Variants in NEGR1 observed in about 807,000 individuals in gnomAD.
NEGR1 encodes neuronal growth regulator 1.
NEGR1 carries 10 observed loss-of-function variants against 40.9 expected under a neutral mutation model. That is an observed-to-expected ratio of 0.24 (90% CI 0.15 to 0.42). NEGR1 has a LOEUF of 0.42. NEGR1 is among the 10% of genes least tolerant of loss of function. The pLI, the probability that NEGR1 is intolerant of heterozygous loss-of-function variation, is 1.00. For missense variants in NEGR1, 352 were observed against 438.9 expected (o/e 0.80, Z 1.77); for synonymous variants, 185 against 166.8 (o/e 1.11, Z -0.84).
intron 2 of NEGR1, among the ~76,000 whole-genome samples, chr1:71,896,893 A>G (rs548263305): frequency 6.6e-6 from 1 of 152,144 alleles, no homozygotes; most frequent in East Asian, 1.9e-4. Flanking sequence ...TTCCATTTAA[A>G]TTATTATGTC....
intron 4 of NEGR1, among the ~76,000 whole-genome samples, chr1:71,621,381 A>AAT (rs1210646467): frequency 6.6e-6 from 1 of 151,922 alleles, no homozygotes. Flanking sequence ...TTTCCAGGAA[A>AAT]ATATGCAACT....
At chr1:71,631,184 T>C (rs1650958125) in intron 4 of NEGR1, among the ~76,000 whole-genome samples, 1 of 151,878 alleles carries the variant, frequency 6.6e-6, no homozygotes, top group African/African-American at 2.4e-5. Flanking sequence ...CAAATTTATT[T>C]TGTTTCCACA....
chr1:72,022,059 C>T (rs530421597), intron 1 of NEGR1, among the ~76,000 whole-genome samples: 343 of 151,798 alleles, frequency 2.3e-3, no homozygotes, highest in Non-Finnish European at 2.9e-3. Context: ...GGCGTGAACC[C>T]GGGAGGCGGA....
chr1:71,941,613 C>T (rs1570533725), intron 1 of NEGR1, among the ~76,000 whole-genome samples: 3 of 151,970 alleles, frequency 2.0e-5, no homozygotes, highest in Admixed American at 2.0e-4. Flanking sequence ...GTCCAGTGAA[C>T]TTCAATTATT....
intron 2 of NEGR1, among the ~76,000 whole-genome samples, chr1:71,886,229 T>C (rs1660718878): frequency 6.6e-6 from 1 of 152,080 alleles, no homozygotes; most frequent in Non-Finnish European, 1.5e-5. Context: ...CTAAACATGT[T>C]CTCCCCTGAG....
At chr1:72,172,121 G>A (rs1209513119) in intron 1 of NEGR1, among the ~76,000 whole-genome samples, 1 of 152,124 alleles carries the variant, frequency 6.6e-6, no homozygotes, top group African/African-American at 2.4e-5. Context: ...GGTCCAAGAT[G>A]TAAAATTATA....
chr1:71,935,044 G>C, intron 2 of NEGR1, 35 bp downstream of exon 2: 1 of 1,228,162 alleles, frequency 8.1e-7, no homozygotes, highest in South Asian at 1.2e-5. Flanking sequence ...TCTAAGCACA[G>C]TCTTTCACAA....
chr1:72,029,120 AT>A (rs1435894887), intron 1 of NEGR1, among the ~76,000 whole-genome samples: 1 of 152,214 alleles, frequency 6.6e-6, no homozygotes, highest in East Asian at 1.9e-4. Flanking sequence ...CAAAAATATA[AT>A]TTGAAAATAT....
intron 1 of NEGR1, among the ~76,000 whole-genome samples, chr1:72,135,422 C>CAAAAAA (rs71074820): frequency 9.8e-6 from 1 of 102,262 alleles, no homozygotes; most frequent in Non-Finnish European, 1.9e-5. Flanking sequence ...AAAACAAAAC[C>CAAAAAA]AAAAAAAAAA....
intron 2 of NEGR1, among the ~76,000 whole-genome samples, chr1:71,842,124 G>T (rs565721806): frequency 1.3e-5 from 2 of 152,198 alleles, no homozygotes; most frequent in South Asian, 4.1e-4. Flanking sequence ...GAAGTCACAT[G>T]GGAAGTTCCC....
chr1:72,117,008 C>G (rs1246254150), intron 1 of NEGR1, among the ~76,000 whole-genome samples: 1 of 151,658 alleles, frequency 6.6e-6, no homozygotes, highest in East Asian at 1.9e-4. Flanking sequence ...TCTAAAAGCT[C>G]AAATGAAAGT....
chr1:71,643,390 T>C (rs1651420467), intron 4 of NEGR1, among the ~76,000 whole-genome samples: 1 of 151,936 alleles, frequency 6.6e-6, no homozygotes, highest in African/African-American at 2.4e-5. Flanking sequence ...AAAAATGATA[T>C]GCTGGAAAAT....
chr1:71,814,327 G>T (rs1378508761), intron 2 of NEGR1, among the ~76,000 whole-genome samples: 3 of 151,954 alleles, frequency 2.0e-5, no homozygotes, highest in African/African-American at 7.3e-5. Context: ...ATTTTATTGA[G>T]GATTTTTGCA....
chr1:71,583,398 G>A (rs989075125), intron 6 of NEGR1, among the ~76,000 whole-genome samples: 8 of 152,278 alleles, frequency 5.3e-5, no homozygotes, highest in African/African-American at 1.7e-4. Flanking sequence ...TGGTTCTGCA[G>A]AATGAAGCAA....
At chr1:71,829,374 C>T (rs954300433) in intron 2 of NEGR1, among the ~76,000 whole-genome samples, 2 of 151,848 alleles carry the variant, frequency 1.3e-5, no homozygotes, top group Admixed American at 6.6e-5. Flanking sequence ...AATCTCAATG[C>T]AATAAGCTCC....
At chr1:72,239,019 C>A (rs1024099562) in intron 1 of NEGR1, among the ~76,000 whole-genome samples, 1 of 151,806 alleles carries the variant, frequency 6.6e-6, no homozygotes, top group African/African-American at 2.4e-5. Context: ...GTGTCACATT[C>A]TACACTCATG....
At chr1:71,538,883 TG>T (rs1188757824) in intron 6 of NEGR1, among the ~76,000 whole-genome samples, 2 of 151,734 alleles carry the variant, frequency 1.3e-5, no homozygotes, top group Non-Finnish European at 2.9e-5. Context: ...TCCCATCTGG[TG>T]ATCTTAGGTG....
At chr1:71,547,476 C>A (rs1647936724) in intron 6 of NEGR1, among the ~76,000 whole-genome samples, 1 of 151,714 alleles carries the variant, frequency 6.6e-6, no homozygotes, top group African/African-American at 2.4e-5. Context: ...TCTTCTAAAA[C>A]CTGGACTCAC....
At chr1:71,595,093 C>A (rs903622525) in intron 5 of NEGR1, among the ~76,000 whole-genome samples, 2 of 152,178 alleles carry the variant, frequency 1.3e-5, no homozygotes, top group Admixed American at 6.5e-5. Context: ...CAGTTCCCTG[C>A]CCTTAAATGT....
Sources: allele counts gnomAD v4.1 joint callset (sites outside exome capture counted in the v4.1 genomes callset), GRCh38; gene constraint gnomAD v4.1.1; transcripts MANE v1.5; gene names NCBI Gene and HGNC (gene_info 2026-07-23, HGNC 2026-07-21).